CSMD3: variants seen among roughly 807,000 people sequenced by gnomAD.
The protein encoded by CSMD3 is CUB and Sushi multiple domains 3.
Under a neutral mutation model 435.2 loss-of-function variants are expected in CSMD3, and 177 were observed. That is an observed-to-expected ratio of 0.41 (90% CI 0.36 to 0.46). The LOEUF is 0.46. CSMD3 is among the 20% of genes least tolerant of loss of function. The pLI, the probability that CSMD3 is intolerant of heterozygous loss-of-function variation, is 0.34. For synonymous variants in CSMD3, 1,656 were observed against 1,520.5 expected (o/e 1.09, Z -2.07); for missense variants, 4,265 against 4,504.6 (o/e 0.95, Z 1.52).
At chr8:112,929,044 G>A (rs368448413) in intron 9 of CSMD3, among the ~76,000 whole-genome samples, 14 of 148,842 alleles carry the variant, frequency 9.4e-5, no homozygotes, top group African/African-American at 2.5e-4. Flanking sequence ...GCCAGTGATG[G>A]TGAGCATTTT....
chr8:112,367,797 G>C (rs1001719243), intron 38 of CSMD3, among the ~76,000 whole-genome samples: 6 of 152,094 alleles, frequency 3.9e-5, no homozygotes, highest in Admixed American at 3.9e-4. Flanking sequence ...GTCCTTCAAT[G>C]AGGCTACTCT....
chr8:112,554,138 A>C (rs954019410), intron 25 of CSMD3, among the ~76,000 whole-genome samples: 4 of 151,932 alleles, frequency 2.6e-5, no homozygotes, highest in Non-Finnish European at 4.4e-5. Flanking sequence ...TGCATGATTC[A>C]GTTCCTTAAA....
intron 56 of CSMD3, 150 bp downstream of exon 56, chr8:112,291,360 A>C: frequency 4.7e-6 from 3 of 640,396 alleles, no homozygotes; most frequent in Non-Finnish European, 8.0e-6. Context: ...AATTTGCAAA[A>C]TATAGAAAAG....
intron 3 of CSMD3, among the ~76,000 whole-genome samples, chr8:113,202,047 A>G (rs1246865567): frequency 6.6e-6 from 1 of 151,954 alleles, no homozygotes; most frequent in African/African-American, 2.4e-5. Flanking sequence ...CAAAAACAAT[A>G]CTCTATTGAT....
chr8:113,256,610 C>A (rs1280771383), intron 3 of CSMD3, among the ~76,000 whole-genome samples: 1 of 152,154 alleles, frequency 6.6e-6, no homozygotes, highest in African/African-American at 2.4e-5. Context: ...GAGTGGAGTG[C>A]AGAAACCTCA....
intron 32 of CSMD3, among the ~76,000 whole-genome samples, chr8:112,447,289 T>A (rs10090328): frequency 0.45 from 67,631 of 151,862 alleles, 15,650 homozygotes; most frequent in Middle Eastern, 0.6. Flanking sequence ...GTAAGAAAAA[T>A]AAAGAACAGA....
chr8:113,152,457 C>T (rs2131791259), intron 4 of CSMD3, among the ~76,000 whole-genome samples: 1 of 152,118 alleles, frequency 6.6e-6, no homozygotes, highest in South Asian at 2.1e-4. Context: ...ACGTGAACAC[C>T]TGCATCCGTA....
chr8:113,406,857 G>A (rs2094534985), intron 1 of CSMD3, among the ~76,000 whole-genome samples: 1 of 152,042 alleles, frequency 6.6e-6, no homozygotes, highest in Non-Finnish European at 1.5e-5. Flanking sequence ...TATATGCACT[G>A]TAGAGTGGAG....
At chr8:112,478,315 T>C (rs1425168333) in intron 31 of CSMD3, among the ~76,000 whole-genome samples, 1 of 152,144 alleles carries the variant, frequency 6.6e-6, no homozygotes, top group African/African-American at 2.4e-5. Context: ...TCAAAGAGTT[T>C]TGAGGCCTCA....
At chr8:113,298,478 T>C (rs1251224482) in intron 2 of CSMD3, among the ~76,000 whole-genome samples, 1 of 152,288 alleles carries the variant, frequency 6.6e-6, no homozygotes, top group East Asian at 1.9e-4. Flanking sequence ...ATCTGTTTCA[T>C]AATAAAATAT....
At chr8:113,194,197 C>T (rs1346634357) in intron 3 of CSMD3, among the ~76,000 whole-genome samples, 1 of 151,162 alleles carries the variant, frequency 6.6e-6, no homozygotes, top group East Asian at 1.9e-4. Flanking sequence ...AGTTATTATA[C>T]TAAAAACTTA....
chr8:112,848,883 C>A (rs1189552963), intron 11 of CSMD3, among the ~76,000 whole-genome samples: 5 of 152,074 alleles, frequency 3.3e-5, no homozygotes, highest in Non-Finnish European at 7.4e-5. Context: ...CACTTAAAAT[C>A]ATACCAGTCC....
intron 31 of CSMD3, among the ~76,000 whole-genome samples, chr8:112,487,584 T>C (rs1358324921): frequency 6.6e-6 from 1 of 152,158 alleles, no homozygotes; most frequent in Non-Finnish European, 1.5e-5. Context: ...GTAAATATGA[T>C]ATAATCTGAA....
chr8:112,379,056 AAAAAT>A (rs1829226238), intron 38 of CSMD3, among the ~76,000 whole-genome samples: 1 of 152,244 alleles, frequency 6.6e-6, no homozygotes, highest in Admixed American at 6.5e-5. Flanking sequence ...TCTATATACT[AAAAAT>A]AAACTATCCT....
At chr8:113,281,764 A>G (rs1051425607) in intron 2 of CSMD3, among the ~76,000 whole-genome samples, 2 of 151,652 alleles carry the variant, frequency 1.3e-5, no homozygotes, top group Admixed American at 1.3e-4. Context: ...TTTTTGTTTT[A>G]TAGGTCCTGT....
chr8:113,239,349 A>G (rs925796716), intron 3 of CSMD3, among the ~76,000 whole-genome samples: 3 of 152,102 alleles, frequency 2.0e-5, no homozygotes, highest in African/African-American at 7.2e-5. Context: ...CTGCATAGAG[A>G]CACCATGTCT....
In CSMD3 at chr8:112,410,590, GTA is replaced by G. The variant is rs1218523465; in HGVS notation, c.5396-1560_5396-1559del. 2.8e-4 allele frequency among the ~76,000 whole-genome samples: 30 copies of G among 107,604 alleles called. 1 individual carries two copies. The highest frequency in any genetic ancestry group is 1.5e-3 in the East Asian group (6 of 3,908). The allele number at this position is 107,604 out of a possible 152,430, so 70.6% of individuals were successfully genotyped here. A position where few individuals can be genotyped will look rare whatever the true frequency, so the allele number is the denominator to read the frequency against. Reference sequence around the variant, plus strand: ...TTGTACTATGTATATACATACATATGTATATATATATGTGTATATATATATGT... The same window carrying G: ...TTGTACTATGTATATACATACATATGTATATATATGTGTATATATATATGT... On this transcript the variant is annotated intron_variant, in intron 32 of 70. Coordinates refer to ENST00000297405, the MANE Select transcript of CSMD3 (RefSeq NM_198123.2).
intron 37 of CSMD3, among the ~76,000 whole-genome samples, chr8:112,380,788 C>A (rs942133713): frequency 1.3e-5 from 2 of 152,086 alleles, no homozygotes; most frequent in African/African-American, 2.4e-5. Context: ...ATTCCGTGCA[C>A]AAGCTAATAA....
At chr8:112,942,754 T>C (rs1413844452) in intron 9 of CSMD3, among the ~76,000 whole-genome samples, 4 of 151,720 alleles carry the variant, frequency 2.6e-5, no homozygotes, top group African/African-American at 4.8e-5. Flanking sequence ...AAACTACTTA[T>C]TGGGCATTAT....
Sources: allele counts gnomAD v4.1 joint callset (sites outside exome capture counted in the v4.1 genomes callset), GRCh38; gene constraint gnomAD v4.1.1; transcripts MANE v1.5; gene names NCBI Gene and HGNC (gene_info 2026-07-23, HGNC 2026-07-21).